Variants in PLA2G4C observed in about 807,000 individuals in gnomAD.
PLA2G4C encodes the protein phospholipase A2 group IVC, also known as cytosolic phospholipase A2 gamma.
Under a neutral mutation model 73.8 loss-of-function variants are expected in PLA2G4C, and 64 were observed. The observed-to-expected ratio is 0.87, with a 90% CI of 0.71 to 1.07. The LOEUF (loss-of-function observed/expected upper bound fraction) is 1.07. Among genes scored for constraint, PLA2G4C ranks in the 50% least tolerant of loss-of-function variants. The pLI is 0.00. For missense variants in PLA2G4C, 622 were observed against 665.4 expected (o/e 0.93, Z 0.72); for synonymous variants, 254 against 252.1 (o/e 1.01, Z -0.07).
Position 48,048,330 on chromosome 19 carries a change from A to G in PLA2G4C, c.*13T>C. 1.3e-6 allele frequency: 2 copies of G among 1,596,266 alleles called. No individual in the cohort carries two copies. Among genetic ancestry groups the G allele is most frequent in the Middle Eastern group, 1.7e-4 (1 of 5,934 alleles). On this transcript the variant is annotated 3_prime_UTR_variant, in exon 17 of 17. Coordinates refer to ENST00000599921, the MANE Select transcript of PLA2G4C (RefSeq NM_003706.3). The stretch of plus-strand genomic sequence containing the variant: ...ACCAACAGGCCCACAGTGCCCTGGA[A>G]GCTGAGGCTCATCTATGCCAAGCAG...
intron 4 of PLA2G4C, among the ~76,000 whole-genome samples, chr19:48,102,422 T>C (rs1325342991): frequency 1.3e-5 from 2 of 151,624 alleles, no homozygotes; most frequent in African/African-American, 4.8e-5. Flanking sequence ...ACCTGGGAAG[T>C]AGAGGTTGCA....
In PLA2G4C at chr19:48,048,226, G is replaced by T; in HGVS notation, c.*117C>A. 1.4e-6 allele frequency: 1 copy of T among 712,318 alleles called. No individual in the cohort carries two copies. The highest frequency in any genetic ancestry group is 1.8e-5 in the South Asian group (1 of 55,982). 44.1% of individuals were successfully genotyped at this position (712,318 alleles called of 1,614,324 possible). On this transcript the variant is annotated 3_prime_UTR_variant, in exon 17 of 17. Coordinates refer to ENST00000599921, the MANE Select transcript of PLA2G4C (RefSeq NM_003706.3). ...TGATTGGCCCTGTTAGGACAGCCAAGGTGAACTCAAGGCCATGAAGCGTGT... is the reference window on the plus strand; with the variant it reads ...TGATTGGCCCTGTTAGGACAGCCAATGTGAACTCAAGGCCATGAAGCGTGT...
chr19:48,083,392 CTTTTT>C, intron 10 of PLA2G4C, among the ~76,000 whole-genome samples: 1 of 105,838 alleles, frequency 9.4e-6, no homozygotes, highest in South Asian at 3.3e-4. Flanking sequence ...ATTTTCTTTT[CTTTTT>C]TTTTTTTTTT....
chr19:48,106,185 T>A (rs1339679531), intron 2 of PLA2G4C, among the ~76,000 whole-genome samples: 1 of 150,698 alleles, frequency 6.6e-6, no homozygotes, highest in Non-Finnish European at 1.5e-5. Flanking sequence ...GGGACTCAAG[T>A]GATCCTCATG....
Position 48,098,097 on chromosome 19 carries a change from C to T in PLA2G4C, c.568+42G>A, listed in dbSNP as rs932842302. 2.5e-6 allele frequency: 4 copies of T among 1,605,622 alleles called. No homozygotes were observed. In the African/African-American group the frequency reaches 5.4e-5, roughly 21 times the overall value. On this transcript the variant is annotated intron_variant, in intron 6 of 16. Transcript: ENST00000599921. Reference sequence around the variant, plus strand: ...TTCTTCCATTCCACTCCGTGCTGTTCCATCCCTTACTACCTCTCCCTCCCT... The same window carrying T: ...TTCTTCCATTCCACTCCGTGCTGTTTCATCCCTTACTACCTCTCCCTCCCT...
At chr19:48,074,904 C>T (rs2030037099) in intron 11 of PLA2G4C, 30 bp from the exon 12 acceptor site, 1 of 1,445,662 alleles carries the variant, frequency 6.9e-7, no homozygotes, top group Non-Finnish European at 9.6e-7. Flanking sequence ...TGGTCTCAGA[C>T]ACTGTCCAAG....
intron 10 of PLA2G4C, among the ~76,000 whole-genome samples, chr19:48,083,027 GA>G (rs2030705048): frequency 6.7e-6 from 1 of 150,014 alleles, no homozygotes; most frequent in African/African-American, 2.5e-5. Flanking sequence ...TGTTAGCCAG[GA>G]TGGTCTCGAT....
At chr19:48,081,688 G>A (rs2030577861) in intron 10 of PLA2G4C, among the ~76,000 whole-genome samples, 1 of 151,820 alleles carries the variant, frequency 6.6e-6, no homozygotes, top group Admixed American at 6.6e-5. Context: ...GAACCCAGGA[G>A]GTGGAGGTTG....
chr19:48,101,967 C>T (rs1446611446), intron 4 of PLA2G4C, among the ~76,000 whole-genome samples: 1 of 151,796 alleles, frequency 6.6e-6, no homozygotes, highest in Admixed American at 6.6e-5. Flanking sequence ...GAGCCACTGC[C>T]CCGGGCCTCC....
At chr19:48,051,806 G>C (rs1220207579) in intron 16 of PLA2G4C, 1 of 150,558 alleles carries the variant, frequency 6.6e-6, no homozygotes, top group Non-Finnish European at 1.5e-5. Context: ...CCTTTTATCT[G>C]TGGCTTAGGA....
At chr19:48,049,114 C>T (rs1056330509) in intron 16 of PLA2G4C, among the ~76,000 whole-genome samples, 12 of 152,128 alleles carry the variant, frequency 7.9e-5, no homozygotes, top group African/African-American at 2.7e-4. Context: ...AGGCGCCATG[C>T]TTCTTGCACA....
intron 14 of PLA2G4C, among the ~76,000 whole-genome samples, chr19:48,057,480 CTTCTTTTTTTTTTTTTT>C (rs1967995642): frequency 3.6e-5 from 1 of 28,084 alleles, no homozygotes. Flanking sequence ...TCTTCTTCTT[CTTCTTTTTTTTTTTTTT>C]TTTTTTTTTT....
chr19:48,050,567 T>C (rs914560751), intron 16 of PLA2G4C, among the ~76,000 whole-genome samples: 3 of 152,058 alleles, frequency 2.0e-5, no homozygotes, highest in African/African-American at 7.2e-5. Flanking sequence ...ATTCCAACTC[T>C]TCCCCTGGCT....
intron 2 of PLA2G4C, among the ~76,000 whole-genome samples, chr19:48,105,805 TCCC>T (rs2032152320): frequency 6.7e-5 from 1 of 14,990 alleles, no homozygotes; most frequent in Non-Finnish European, 1.3e-4. Flanking sequence ...CCTCCCTCCC[TCCC>T]TCCCCTTCCC....
intron 13 of PLA2G4C, among the ~76,000 whole-genome samples, chr19:48,067,314 C>G (rs1205644768): frequency 1.3e-5 from 2 of 151,848 alleles, no homozygotes; most frequent in African/African-American, 4.8e-5. Flanking sequence ...ACTACAGGCA[C>G]CCGCCACCCT....
Position 48,099,085 on chromosome 19 carries a change from T to A in PLA2G4C, c.447+586A>T, listed in dbSNP as rs145054634. 5.1e-3 allele frequency among the ~76,000 whole-genome samples: 676 copies of A among 132,722 alleles called. 12 individuals carry two copies. Among genetic ancestry groups the A allele is most frequent in the African/African-American group, 0.019 (658 of 34,060 alleles). 87.1% of individuals were successfully genotyped at this position (132,722 alleles called of 152,430 possible). A position where few individuals can be genotyped will look rare whatever the true frequency, so the allele number is the denominator to read the frequency against. Reference sequence around the variant, plus strand: ...GACCAGCCTGGGCAATATAGCAAGATCCCTGTCTCTACAAAAAAAAAAATA... The same window carrying A: ...GACCAGCCTGGGCAATATAGCAAGAACCCTGTCTCTACAAAAAAAAAAATA... On this transcript the variant is annotated intron_variant, in intron 5 of 16. Coordinates refer to ENST00000599921, the MANE Select transcript of PLA2G4C (RefSeq NM_003706.3).
At chr19:48,067,019 C>A (rs1251359490) in intron 13 of PLA2G4C, among the ~76,000 whole-genome samples, 1 of 151,566 alleles carries the variant, frequency 6.6e-6, no homozygotes, top group African/African-American at 2.4e-5. Flanking sequence ...CAGGGATTGG[C>A]ATGGTCATAG....
At chr19:48,074,913 A>T in intron 11 of PLA2G4C, 39 bp from the exon 12 acceptor site, 1 of 1,337,820 alleles carries the variant, frequency 7.5e-7, no homozygotes. Context: ...ACACTGTCCA[A>T]GTACCCTACC....
intron 2 of PLA2G4C, among the ~76,000 whole-genome samples, chr19:48,105,710 A>G (rs1308811299): frequency 1.3e-5 from 2 of 151,598 alleles, no homozygotes; most frequent in African/African-American, 2.4e-5. Context: ...CTGTAATCCC[A>G]GCACTTTGGG....
Sources: allele counts gnomAD v4.1 joint callset (sites outside exome capture counted in the v4.1 genomes callset), GRCh38; gene constraint gnomAD v4.1.1; transcripts MANE v1.5; gene names NCBI Gene and HGNC (gene_info 2026-07-23, HGNC 2026-07-21).